The following PROX1 variants were observed in gnomAD, a reference collection of about 807,000 sequenced individuals.
PROX1 encodes the protein prospero homeobox protein 1.
PROX1 carries 7 observed loss-of-function variants against 58.8 expected under a neutral mutation model. That is an observed-to-expected ratio of 0.12 (90% confidence interval 0.07 to 0.22). PROX1 has a LOEUF of 0.22. PROX1 is among the 10% of genes least tolerant of loss of function. PROX1 has a pLI of 1.00. For synonymous variants in PROX1, 350 were observed against 358.3 expected (o/e 0.98, Z 0.26); for missense variants, 675 against 927.8 (o/e 0.73, Z 3.54).
chr1:213,986,869 A>G (rs1662836257), upstream of PROX1, among the ~76,000 whole-genome samples: 1 of 152,314 alleles, frequency 6.6e-6, no homozygotes, highest in African/African-American at 2.4e-5. Context: ...GATCTTTAAG[A>G]GCCACATTAT....
intron 3 of PROX1, among the ~76,000 whole-genome samples, chr1:214,008,645 C>T (rs1663803566): frequency 6.6e-6 from 1 of 152,098 alleles, no homozygotes; most frequent in African/African-American, 2.4e-5. Flanking sequence ...ATGACTTCCA[C>T]CTGGGTAAGA....
Position 214,005,101 on chromosome 1 carries a change from G to A in PROX1, c.1726-64G>A. On this transcript the variant is annotated intron_variant, in intron 2 of 4. Coordinates refer to ENST00000366958, the MANE Select transcript of PROX1 (RefSeq NM_001270616.2). ...CCAGACTCTATGGAGGTGGGGACTG[G>A]AGGGAGGGAGGTGGGAGTCCTTGTG... The A allele has an allele frequency of 4.6e-6, 6 of 1,307,068 alleles. No homozygotes were observed. In the South Asian group the frequency reaches 7.2e-5, roughly 16 times the overall value. The allele number at this position is 1,307,068 out of a possible 1,614,324, so 81.0% of individuals were successfully genotyped here. A position where few individuals can be genotyped will look rare whatever the true frequency, so the allele number is the denominator to read the frequency against.
Position 214,040,429 on chromosome 1 carries a change from C to A in PROX1, c.*4595C>A, listed in dbSNP as rs1664972613. On this transcript the variant is annotated 3_prime_UTR_variant, in exon 5 of 5. Transcript: ENST00000366958. ...TTACCTTCTTTTGTGAAAACGTATT[C>A]ATTCTGTATTTTTTTAAATATTCAA... is the stretch of plus-strand genomic sequence containing the variant. 1 of 152,052 alleles carries A rather than the reference C, an allele frequency of 6.6e-6. No individual in the cohort carries two copies. The highest frequency in any genetic ancestry group is 2.1e-4 in the South Asian group (1 of 4,834). The allele number at this position is 152,052 out of a possible 1,614,324, so 9.4% of individuals were successfully genotyped here.
In PROX1 at chr1:214,023,365, A is replaced by AT. The variant is rs1381170874; in HGVS notation, c.2028+11657dup. Reference sequence around the variant, plus strand: ...TTTTTTTTTATTCTTTTATTTTTTTATTTTTTTGAGACACAGAGTGTTGCA... The same window carrying AT: ...TTTTTTTTTATTCTTTTATTTTTTTATTTTTTTTGAGACACAGAGTGTTGCA... On this transcript the variant is annotated intron_variant, in intron 4 of 4. Transcript: ENST00000366958. Among the ~76,000 whole-genome samples, 3 of 148,374 alleles carry AT rather than the reference A, an allele frequency of 2.0e-5. No individual in the cohort carries two copies. In the East Asian group the frequency reaches 6.0e-4, roughly 30 times the overall value.
intron 4 of PROX1, among the ~76,000 whole-genome samples, chr1:214,012,351 TACAA>T (rs1663939796): frequency 6.6e-6 from 1 of 152,224 alleles, no homozygotes; most frequent in African/African-American, 2.4e-5. Context: ...CTGCTCTTTG[TACAA>T]ACACTCTCAT....
intron 4 of PROX1, among the ~76,000 whole-genome samples, chr1:214,025,131 A>G (rs1664407952): frequency 1.3e-5 from 2 of 152,212 alleles, no homozygotes; most frequent in African/African-American, 4.8e-5. Flanking sequence ...GCTCCCAATT[A>G]AACGTTCCTA....
At chr1:214,015,933 T>C (rs1664079498) in intron 4 of PROX1, among the ~76,000 whole-genome samples, 1 of 152,126 alleles carries the variant, frequency 6.6e-6, no homozygotes, top group African/African-American at 2.4e-5. Flanking sequence ...GAATGACAGA[T>C]CTCCCCTATC....
chr1:214,002,149 A>C (rs1482551259), intron 2 of PROX1, among the ~76,000 whole-genome samples: 1 of 152,106 alleles, frequency 6.6e-6, no homozygotes, highest in Non-Finnish European at 1.5e-5. Context: ...GTTTAGCTGG[A>C]AAAAAAGAAT....
intron 4 of PROX1, among the ~76,000 whole-genome samples, chr1:214,022,227 C>T (rs1664304378): frequency 6.6e-6 from 1 of 152,216 alleles, no homozygotes; most frequent in South Asian, 2.1e-4. Context: ...GTGTCTTACC[C>T]TGCCTGTACT....
At chr1:213,984,346 A>T (rs1289834870), upstream of PROX1, 2 of 152,224 alleles carry the variant, frequency 1.3e-5, no homozygotes, top group Non-Finnish European at 2.9e-5. Context: ...TGGGTTCTTT[A>T]TCATTTTAAA....
intron 2 of PROX1, among the ~76,000 whole-genome samples, chr1:214,002,585 C>T (rs1351867044): frequency 2.0e-5 from 3 of 152,040 alleles, no homozygotes; most frequent in Non-Finnish European, 4.4e-5. Context: ...CATCCCCCCT[C>T]ACCCCACTCC....
chr1:214,034,144 A>G (rs1377137759), intron 4 of PROX1, among the ~76,000 whole-genome samples: 1 of 152,182 alleles, frequency 6.6e-6, no homozygotes, highest in Non-Finnish European at 1.5e-5. Context: ...ATAAACAACA[A>G]TTAACTTGCC....
At chr1:213,983,300 A>T (rs1230528404), upstream of PROX1, 6 of 152,368 alleles carry the variant, frequency 3.9e-5, no homozygotes, top group Non-Finnish European at 4.4e-5. Flanking sequence ...CGGGAAGCAC[A>T]CGTGCCCTGG....
At chr1:214,028,139 G>A (rs953905372) in intron 4 of PROX1, among the ~76,000 whole-genome samples, 1 of 152,150 alleles carries the variant, frequency 6.6e-6, no homozygotes, top group Non-Finnish European at 1.5e-5. Context: ...CCTAAGCCCA[G>A]ATGTTGCTGG....
At position 213,997,374 on chromosome 1, in the gene PROX1, G is replaced by T. The variant is rs112763420; in HGVS notation, c.839G>T (p.Arg280Leu). ...GGTAACCTGTCTGAAGACAGCATGCGCTCGGAGATCCTGGATGCCAGGGCC... is the reference window on the plus strand; with the variant it reads ...GGTAACCTGTCTGAAGACAGCATGCTCTCGGAGATCCTGGATGCCAGGGCC... ...EDGNLSEDSM[R>L]SEILDARAQD... The change falls in exon 2 of 5, where the codon CGC (arginine) becomes CTC (leucine). Residue 280 changes from arginine (R) to leucine (L), a missense_variant. By Grantham distance (102) the Arg-to-Leu change is moderately radical. Around this residue, in one of 8 missense-constraint regions of PROX1, gnomAD observed 403 missense variants for 477.4 expected, o/e 0.84. Transcript: ENST00000366958. This position sits in a 1 kb window ranked among gnomAD's most constrained non-coding sequence, Gnocchi z 7.1. 2 of 1,614,080 alleles carry T rather than the reference G, an allele frequency of 1.2e-6. No individual in the cohort carries two copies. Among genetic ancestry groups the T allele is most frequent in the South Asian group, 2.2e-5 (2 of 91,072 alleles).
At chr1:213,983,753 C>G (rs1662756257), upstream of PROX1, 1 of 152,296 alleles carries the variant, frequency 6.6e-6, no homozygotes, top group African/African-American at 2.4e-5. Context: ...TTTCCAGCTT[C>G]TTCGCTACTA....
At position 214,038,674 on chromosome 1, in the gene PROX1, C is replaced by T. The variant is rs959148378; in HGVS notation, c.*2840C>T. On this transcript the variant is annotated 3_prime_UTR_variant, in exon 5 of 5. Coordinates refer to ENST00000366958, the MANE Select transcript of PROX1 (RefSeq NM_001270616.2). ...GGATTTTAAAAAATCCTTCAAAATACCAGTTTTTTCCCAACAAGTACAATT... is the reference window on the plus strand; with the variant it reads ...GGATTTTAAAAAATCCTTCAAAATATCAGTTTTTTCCCAACAAGTACAATT... 15 of 152,108 alleles carry T rather than the reference C, an allele frequency of 9.9e-5. No individual in the cohort carries two copies. The highest frequency in any genetic ancestry group is 2.9e-4 in the African/African-American group (12 of 41,410). 9.4% of individuals were successfully genotyped at this position (152,108 alleles called of 1,614,324 possible). A position where few individuals can be genotyped will look rare whatever the true frequency, so the allele number is the denominator to read the frequency against.
intron 1 of PROX1, among the ~76,000 whole-genome samples, chr1:213,992,389 T>A (rs1488966227): frequency 6.6e-6 from 1 of 152,160 alleles, no homozygotes; most frequent in Non-Finnish European, 1.5e-5. Context: ...GAAGAAAAAG[T>A]TGCTAATTAG....
intron 1 of PROX1, among the ~76,000 whole-genome samples, chr1:213,991,177 G>A (rs1663022494): frequency 1.3e-5 from 2 of 152,266 alleles, no homozygotes; most frequent in Non-Finnish European, 1.5e-5. Context: ...TAAGGACTGT[G>A]GCTTGATGTG....
Sources: allele counts gnomAD v4.1 joint callset (sites outside exome capture counted in the v4.1 genomes callset), GRCh38; gene constraint gnomAD v4.1.1; regional missense constraint gnomAD v4.1.1; non-coding constraint Gnocchi (gnomAD v3.1); transcripts MANE v1.5; gene names NCBI Gene and HGNC (gene_info 2026-07-23, HGNC 2026-07-21).